The following LPCAT1 variants were observed in gnomAD, a reference collection of about 807,000 sequenced individuals.
LPCAT1 encodes the protein lysophosphatidylcholine acyltransferase 1, also known as 1-acylglycerol-3-phosphate O-acyltransferase.
Under a neutral mutation model 60.9 loss-of-function variants are expected in LPCAT1, and 23 were observed. That is an observed-to-expected ratio of 0.38 (90% CI 0.27 to 0.53). The LOEUF (loss-of-function observed/expected upper bound fraction) is 0.53, where lower values mean the gene tolerates loss of function less well. Among genes scored for constraint, LPCAT1 ranks in the 20% least tolerant of loss-of-function variants. The pLI, the probability that LPCAT1 is intolerant of heterozygous loss-of-function variation, is 0.82. For synonymous variants in LPCAT1, 340 were observed against 301.1 expected (o/e 1.13, Z -1.34); for missense variants, 622 against 723.6 (o/e 0.86, Z 1.61).
intron 3 of LPCAT1, among the ~76,000 whole-genome samples, chr5:1,490,876 G>GC (rs529194083): frequency 1.4e-3 from 210 of 152,158 alleles, no homozygotes; most frequent in Non-Finnish European, 2.4e-3. Context: ...CACACTCGGC[G>GC]CCCCCCAGGC....
intron 1 of LPCAT1, among the ~76,000 whole-genome samples, chr5:1,517,080 A>G (rs1736526485): frequency 6.6e-6 from 1 of 152,218 alleles, no homozygotes. Flanking sequence ...GCCTAGCATC[A>G]TGCTTTTTTC....
chr5:1,472,309 G>A (rs1734715707), intron 11 of LPCAT1, among the ~76,000 whole-genome samples: 1 of 152,138 alleles, frequency 6.6e-6, no homozygotes, highest in Non-Finnish European at 1.5e-5. Flanking sequence ...CTCTACGCTT[G>A]TGTCAACCAC....
Position 1,477,625 on chromosome 5 carries a change from C to T in LPCAT1, c.817-139G>A. 1.6e-6 allele frequency: 1 copy of T among 631,600 alleles called. No homozygotes were observed. Among genetic ancestry groups the T allele is most frequent in the African/African-American group, 1.8e-5 (1 of 54,716 alleles). The allele number at this position is 631,600 out of a possible 1,614,324, so 39.1% of individuals were successfully genotyped here. The stretch of plus-strand genomic sequence containing the variant: ...GAACCGTCTTCAAAGTTGTCATGTG[C>T]ACGTGTGTGTACGCACACACACACC... On this transcript the variant is annotated intron_variant, in intron 8 of 13. Transcript: ENST00000283415. The surrounding 1 kb of genome is among the most constrained non-coding windows in gnomAD (Gnocchi z 6.0).
At chr5:1,519,178 T>A (rs1258608929) in intron 1 of LPCAT1, among the ~76,000 whole-genome samples, 1 of 152,258 alleles carries the variant, frequency 6.6e-6, no homozygotes, top group East Asian at 1.9e-4. Context: ...CACGGGTTTC[T>A]GCATGAAACT....
intron 1 of LPCAT1, among the ~76,000 whole-genome samples, chr5:1,508,747 C>G: frequency 6.6e-6 from 1 of 152,254 alleles, no homozygotes; most frequent in East Asian, 1.9e-4. Flanking sequence ...ACAAGGCCAT[C>G]CAAATGTTGG....
rs544804339 is a variant in LPCAT1, at chr5:1,478,622, GGCCCTTCAGCCCAGTCCTCTGTA to G, written c.816+976_816+998del. Among the ~76,000 whole-genome samples, 50 of 152,388 alleles carry G rather than the reference GGCCCTTCAGCCCAGTCCTCTGTA, an allele frequency of 3.3e-4. 1 individual carries two copies. Among genetic ancestry groups the G allele is most frequent in the African/African-American group, 1.1e-3 (45 of 41,600 alleles). On this transcript the variant is annotated intron_variant, in intron 8 of 13. Transcript: ENST00000283415. ...ACTGCCGCCCTCAGGCCCGGGCCAA[GGCCCTTCAGCCCAGTCCTCTGTA>G]ATGAGAGCAGCTTATCCTCTATGGA... is the stretch of plus-strand genomic sequence containing the variant.
intron 1 of LPCAT1, among the ~76,000 whole-genome samples, chr5:1,507,663 C>T (rs769298275): frequency 3.9e-5 from 6 of 152,200 alleles, no homozygotes; most frequent in East Asian, 1.9e-4. Context: ...AGGAGCACGG[C>T]GCGGCCCAAA....
At chr5:1,484,921 G>C (rs764029604) in intron 5 of LPCAT1, among the ~76,000 whole-genome samples, 1 of 152,200 alleles carries the variant, frequency 6.6e-6, no homozygotes, top group Non-Finnish European at 1.5e-5. Flanking sequence ...CCAGGTGGAC[G>C]GGTGGCTGTG....
At chr5:1,467,610 C>A (rs764122895) in intron 12 of LPCAT1, among the ~76,000 whole-genome samples, 3 of 152,160 alleles carry the variant, frequency 2.0e-5, no homozygotes, top group Non-Finnish European at 2.9e-5. Flanking sequence ...CCCTGGAGAT[C>A]CCCCAGACCC....
In LPCAT1 at chr5:1,494,812, C is replaced by T. The variant is rs765192230; in HGVS notation, c.381G>A (p.Ala127=). The T allele has an allele frequency of 8.7e-6, 14 of 1,613,932 alleles. No homozygotes were observed. The highest frequency in any genetic ancestry group is 3.3e-4 in the Middle Eastern group (2 of 6,062). ...VKGRQALPTE[A]AILTLAPHSS... ...AGTGAGGCGCGAGCGTGAGGATGGCCGCCTCGGTGGGCAGCGCCTGCCGCC... is the reference window on the plus strand; with the variant it reads ...AGTGAGGCGCGAGCGTGAGGATGGCTGCCTCGGTGGGCAGCGCCTGCCGCC... The change falls in exon 3 of 14, where the codon GCG becomes GCA. Residue 127 remains alanine, a synonymous_variant. Transcript: ENST00000283415.
intron 12 of LPCAT1, chr5:1,467,190 C>T (rs1734451019): frequency 3.0e-6 from 1 of 337,530 alleles, no homozygotes; most frequent in Non-Finnish European, 5.3e-6. Flanking sequence ...CCTGTGGCTG[C>T]CACTGGGAGG....
intron 10 of LPCAT1, 88 bp from the exon 11 acceptor site, chr5:1,474,198 T>G (rs1734805788): frequency 5.8e-6 from 8 of 1,379,528 alleles, no homozygotes; most frequent in Non-Finnish European, 8.0e-6. Flanking sequence ...ATCAAAATAT[T>G]AAAATTGACA....
chr5:1,463,309 C>A lies in LPCAT1; in HGVS notation c.*342G>T, dbSNP rs1405665719. ...ACGGAGGCCCGCCCGGTGCACGCTG[C>A]CGCCGGAAGAGGCTGTGACAGAGAC... On this transcript the variant is annotated 3_prime_UTR_variant, in exon 14 of 14. Transcript: ENST00000283415. 3.9e-6 allele frequency: 1 copy of A among 257,386 alleles called. No homozygotes were observed. Among genetic ancestry groups the A allele is most frequent in the Non-Finnish European group, 7.4e-6 (1 of 134,370 alleles). The allele number at this position is 257,386 out of a possible 1,614,324, so 15.9% of individuals were successfully genotyped here. A position where few individuals can be genotyped will look rare whatever the true frequency, so the allele number is the denominator to read the frequency against.
chr5:1,471,337 C>T (rs1334622181), intron 11 of LPCAT1, among the ~76,000 whole-genome samples: 2 of 152,246 alleles, frequency 1.3e-5, no homozygotes, highest in Non-Finnish European at 2.9e-5. Flanking sequence ...TGACGTGGAG[C>T]TAAACAGCAG....
chr5:1,467,932 T>C (rs1328565371), intron 12 of LPCAT1, among the ~76,000 whole-genome samples: 1 of 152,096 alleles, frequency 6.6e-6, no homozygotes, highest in Admixed American at 6.5e-5. Flanking sequence ...TCGCCCTGAC[T>C]CCGAGTCCCC....
At chr5:1,511,200 G>A (rs892062921) in intron 1 of LPCAT1, among the ~76,000 whole-genome samples, 1 of 152,202 alleles carries the variant, frequency 6.6e-6, no homozygotes, top group African/African-American at 2.4e-5. Context: ...CTCCGACTGC[G>A]ACCGCACAGC....
intron 13 of LPCAT1, among the ~76,000 whole-genome samples, chr5:1,464,142 C>G (rs1400718801): frequency 6.6e-6 from 1 of 152,228 alleles, no homozygotes; most frequent in Non-Finnish European, 1.5e-5. Context: ...CTTAGCACTT[C>G]TGAGGCACTG....
chr5:1,494,115 A>T (rs1190946451), intron 3 of LPCAT1, among the ~76,000 whole-genome samples: 2 of 149,874 alleles, frequency 1.3e-5, no homozygotes, highest in Non-Finnish European at 3.0e-5. Context: ...GGCTTTGGGG[A>T]GGGGTCATGG....
chr5:1,481,056 T>A lies in LPCAT1; in HGVS notation c.727-80A>T. 1 of 1,495,320 alleles carries A rather than the reference T, an allele frequency of 6.7e-7. No individual in the cohort carries two copies. The highest frequency in any genetic ancestry group is 9.3e-7 in the Non-Finnish European group (1 of 1,077,252). The allele number at this position is 1,495,320 out of a possible 1,614,324, so 92.6% of individuals were successfully genotyped here. On this transcript the variant is annotated intron_variant, in intron 6 of 13. Coordinates refer to ENST00000283415, the MANE Select transcript of LPCAT1 (RefSeq NM_024830.5). This position sits in a 1 kb window ranked among gnomAD's most constrained non-coding sequence, Gnocchi z 7.8. ...CCAAGCACCTGCGTGTGCCGGCCTC[T>A]CCCTGCACCTCCCACCCCACAGAGG... is the stretch of plus-strand genomic sequence containing the variant.
Sources: allele counts gnomAD v4.1 joint callset (sites outside exome capture counted in the v4.1 genomes callset), GRCh38; gene constraint gnomAD v4.1.1; non-coding constraint Gnocchi (gnomAD v3.1); transcripts MANE v1.5; gene names NCBI Gene and HGNC (gene_info 2026-07-23, HGNC 2026-07-21).